B3GAT2: variants seen among roughly 807,000 people sequenced by gnomAD.
B3GAT2 encodes beta-1,3-glucuronyltransferase 2.
Under a neutral mutation model 27.8 loss-of-function variants are expected in B3GAT2, and 26 were observed. The ratio of observed to expected loss-of-function variants is 0.93; its 90% CI spans 0.68 to 1.30. The LOEUF (loss-of-function observed/expected upper bound fraction) is 1.30. B3GAT2 is among the 50% of genes most tolerant of loss of function. The probability of loss-of-function intolerance (pLI) is 0.00; values close to 1 mark genes in which losing one functional copy is unlikely to be tolerated. For synonymous variants in B3GAT2, 218 were observed against 195.1 expected (o/e 1.12, Z -0.98); for missense variants, 458 against 459.0 (o/e 1.00, Z 0.02).
intron 2 of B3GAT2, among the ~76,000 whole-genome samples, chr6:70,862,506 C>A (rs757718202): frequency 6.6e-5 from 10 of 152,060 alleles, no homozygotes; most frequent in Non-Finnish European, 1.5e-4. Context: ...ATGAATCATA[C>A]CTAATTTTTA....
At chr6:70,917,280 C>A (rs1311506818) in intron 1 of B3GAT2, among the ~76,000 whole-genome samples, 1 of 151,712 alleles carries the variant, frequency 6.6e-6, no homozygotes, top group Non-Finnish European at 1.5e-5. Context: ...CTATTTGATT[C>A]TTCTCTCTTT....
intron 2 of B3GAT2, among the ~76,000 whole-genome samples, chr6:70,887,443 A>G (rs1391226639): frequency 6.6e-6 from 1 of 152,106 alleles, no homozygotes; most frequent in Non-Finnish European, 1.5e-5. Context: ...CATTTATAAT[A>G]ATTTTTTAAA....
chr6:70,943,044 C>T lies in B3GAT2; in HGVS notation c.591+12795G>A, dbSNP rs574757075. 1.6e-4 allele frequency among the ~76,000 whole-genome samples: 25 copies of T among 152,232 alleles called. No homozygotes were observed. The South Asian group carries it at 2.7e-3, about 16-fold the overall frequency. On this transcript the variant is annotated intron_variant, in intron 1 of 3. Transcript: ENST00000230053. ...GTTCTCTTTCCACAGGTGGAGGAGA[C>T]GGATTTTAAAAAGTAAACAAACTAC...
In B3GAT2 at chr6:70,860,077, T is replaced by C; in HGVS notation, c.*1586A>G. The C allele has an allele frequency of 8.9e-7, 1 of 1,129,694 alleles. No homozygotes were observed. The highest frequency in any genetic ancestry group is 1.2e-6 in the Non-Finnish European group (1 of 813,542). 70.0% of individuals were successfully genotyped at this position (1,129,694 alleles called of 1,614,324 possible). ...TAAGAAATATTTGTATGGTACTCTGTTTTTATTCCAGTGCTTGGACTAGTT... is the reference window on the plus strand; with the variant it reads ...TAAGAAATATTTGTATGGTACTCTGCTTTTATTCCAGTGCTTGGACTAGTT... On this transcript the variant is annotated 3_prime_UTR_variant, in exon 4 of 4. Transcript: ENST00000230053.
At chr6:70,945,685 T>C (rs931808932) in intron 1 of B3GAT2, among the ~76,000 whole-genome samples, 6 of 146,926 alleles carry the variant, frequency 4.1e-5, no homozygotes, top group South Asian at 2.3e-4. Flanking sequence ...CAATCTAGTA[T>C]GGCAGGCCAA....
At chr6:70,898,127 T>C (rs1044820420) in intron 1 of B3GAT2, among the ~76,000 whole-genome samples, 4 of 152,184 alleles carry the variant, frequency 2.6e-5, no homozygotes, top group African/African-American at 9.7e-5. Flanking sequence ...AATTTCAGAG[T>C]CAGTTGGTCA....
At chr6:70,931,215 A>T (rs931991113) in intron 1 of B3GAT2, among the ~76,000 whole-genome samples, 3 of 152,202 alleles carry the variant, frequency 2.0e-5, no homozygotes, top group Non-Finnish European at 4.4e-5. Context: ...GGATAGCATT[A>T]GGAGAATACC....
chr6:70,890,267 C>A lies in B3GAT2; in HGVS notation c.736+3861G>T, dbSNP rs148078862. ...CCTTGTCTCTTTCCCTGGCTCCCCC[C>A]CTGCAGTCACTTTAAATGCCTGCCC... is the stretch of plus-strand genomic sequence containing the variant. On this transcript the variant is annotated intron_variant, in intron 2 of 3. Coordinates refer to ENST00000230053, the MANE Select transcript of B3GAT2 (RefSeq NM_080742.3). 2.5e-3 allele frequency among the ~76,000 whole-genome samples: 385 copies of A among 152,192 alleles called. 2 individuals carry two copies. Among genetic ancestry groups the A allele is most frequent in the African/African-American group, 8.7e-3 (361 of 41,516 alleles).
rs1292862580 is a variant in B3GAT2, at chr6:70,938,720, G to T, written c.591+17119C>A. The stretch of plus-strand genomic sequence containing the variant: ...AGCCATATGTAGAAAGCTGAAACTG[G>T]ATCCCTTCCTTACACCTTATACAAA... On this transcript the variant is annotated intron_variant, in intron 1 of 3. Coordinates refer to ENST00000230053, the MANE Select transcript of B3GAT2 (RefSeq NM_080742.3). 5.3e-5 allele frequency among the ~76,000 whole-genome samples: 8 copies of T among 152,070 alleles called. 1 individual carries two copies. The highest frequency in any genetic ancestry group is 1.9e-4 in the African/African-American group (8 of 41,480).
intron 2 of B3GAT2, among the ~76,000 whole-genome samples, chr6:70,882,933 G>C (rs1393394556): frequency 6.6e-6 from 1 of 151,964 alleles, no homozygotes; most frequent in African/African-American, 2.4e-5. Flanking sequence ...AATGTATAAA[G>C]GACTTGAATA....
intron 2 of B3GAT2, among the ~76,000 whole-genome samples, chr6:70,880,965 A>C (rs1415769192): frequency 2.0e-5 from 3 of 152,254 alleles, no homozygotes; most frequent in African/African-American, 7.2e-5. Context: ...CACCACAACC[A>C]GCCCTGTTTC....
chr6:70,875,309 G>A lies in B3GAT2; in HGVS notation c.737-13331C>T, dbSNP rs1038781720. Among the ~76,000 whole-genome samples, 5 of 151,970 alleles carry A rather than the reference G, an allele frequency of 3.3e-5. No individual in the cohort carries two copies. The East Asian group carries it at 9.6e-4, about 29-fold the overall frequency. ...CCCTGGCCCTGTACTTTCCAGCCCT[G>A]GCATCTCAAAACTATCCAAGTGAGA... On this transcript the variant is annotated intron_variant, in intron 2 of 3. Coordinates refer to ENST00000230053, the MANE Select transcript of B3GAT2 (RefSeq NM_080742.3).
rs943308046 is a variant in B3GAT2 at position 70,939,704 on chromosome 6, C to T, written c.591+16135G>A. Among the ~76,000 whole-genome samples the T allele has an allele frequency of 4.2e-5, 6 of 142,796 alleles. No homozygotes were observed. The East Asian group carries it at 6.4e-4, about 15-fold the overall frequency. The allele number at this position is 142,796 out of a possible 152,430, so 93.7% of individuals were successfully genotyped here. On this transcript the variant is annotated intron_variant, in intron 1 of 3. Transcript: ENST00000230053. ...AGATGGGAATTGAACAATGAGAACA[C>T]AGACACAGGAAGGGGAACATCACAC... is the stretch of plus-strand genomic sequence containing the variant.
chr6:70,891,262 G>T (rs970431912), intron 2 of B3GAT2, among the ~76,000 whole-genome samples: 2 of 152,182 alleles, frequency 1.3e-5, no homozygotes, highest in African/African-American at 2.4e-5. Context: ...CACCACCAGT[G>T]GGGCTGCCTC....
At chr6:70,936,049 T>C (rs1285914635) in intron 1 of B3GAT2, among the ~76,000 whole-genome samples, 1 of 151,040 alleles carries the variant, frequency 6.6e-6, no homozygotes, top group Non-Finnish European at 1.5e-5. Context: ...AATAAAAGGA[T>C]GGAGGAAGAT....
intron 2 of B3GAT2, among the ~76,000 whole-genome samples, chr6:70,887,688 G>C (rs35849457): frequency 0.19 from 29,653 of 152,112 alleles, 3,218 homozygotes; most frequent in East Asian, 0.31. Flanking sequence ...AGAGGTATGG[G>C]AGGCTGAGAG....
chr6:70,945,111 C>T (rs2150050945), intron 1 of B3GAT2, among the ~76,000 whole-genome samples: 1 of 152,178 alleles, frequency 6.6e-6, no homozygotes, highest in South Asian at 2.1e-4. Flanking sequence ...GATAAAACCA[C>T]AAAGATGGGG....
At chr6:70,867,716 C>G (rs1234345741) in intron 2 of B3GAT2, among the ~76,000 whole-genome samples, 1 of 152,102 alleles carries the variant, frequency 6.6e-6, no homozygotes, top group East Asian at 1.9e-4. Context: ...GAGAGCTTCA[C>G]TGGTAAATTC....
Position 70,860,742 on chromosome 6 carries a change from C to A in B3GAT2, c.*921G>T, listed in dbSNP as rs1232011504. The A allele has an allele frequency of 2.5e-6, 1 of 400,688 alleles. No homozygotes were observed. Among genetic ancestry groups the A allele is most frequent in the Admixed American group, 4.3e-5 (1 of 23,202 alleles). 24.8% of individuals were successfully genotyped at this position (400,688 alleles called of 1,614,324 possible). A position where few individuals can be genotyped will look rare whatever the true frequency, so the allele number is the denominator to read the frequency against. ...ATCCTGTAGGAAGGTACTGTATGAT[C>A]AAATGTTTAATCATATAAATAGAAT... On this transcript the variant is annotated 3_prime_UTR_variant, in exon 4 of 4. Transcript: ENST00000230053.
Sources: allele counts gnomAD v4.1 joint callset (sites outside exome capture counted in the v4.1 genomes callset), GRCh38; gene constraint gnomAD v4.1.1; transcripts MANE v1.5; gene names NCBI Gene and HGNC (gene_info 2026-07-23, HGNC 2026-07-21).